The following GAS7 variants were observed in gnomAD, a reference collection of about 807,000 sequenced individuals.
The protein encoded by GAS7 is growth arrest-specific protein 7.
In GAS7, 28 loss-of-function variants were observed where a neutral mutation model predicts 71.1. The ratio of observed to expected loss-of-function variants is 0.39; its 90% confidence interval spans 0.29 to 0.54. The LOEUF (loss-of-function observed/expected upper bound fraction) is 0.54. Among genes scored for constraint, GAS7 ranks in the 20% least tolerant of loss-of-function variants. The probability of loss-of-function intolerance (pLI) is 0.62; values close to 1 mark genes in which losing one functional copy is unlikely to be tolerated. For missense variants in GAS7, 436 were observed against 627.8 expected (o/e 0.69, Z 3.27); for synonymous variants, 258 against 245.8 (o/e 1.05, Z -0.46).
At chr17:9,971,790 T>C (rs1030238478) in intron 3 of GAS7, among the ~76,000 whole-genome samples, 1 of 152,126 alleles carries the variant, frequency 6.6e-6, no homozygotes, top group African/African-American at 2.4e-5. Flanking sequence ...TAGAGAAAAC[T>C]CTATAGCGTG....
intron 1 of GAS7, among the ~76,000 whole-genome samples, chr17:10,033,903 C>G (rs762835687): frequency 9.2e-5 from 14 of 152,216 alleles, no homozygotes; most frequent in Non-Finnish European, 2.1e-4. Context: ...CTTCTGACTC[C>G]GAGAGATGGT....
intron 2 of GAS7, among the ~76,000 whole-genome samples, chr17:9,996,120 C>G (rs2071031035): frequency 6.6e-6 from 1 of 152,200 alleles, no homozygotes; most frequent in Non-Finnish European, 1.5e-5. Context: ...AAGACACATG[C>G]ACACGTACGT....
At chr17:9,971,168 G>A (rs1379409518) in intron 3 of GAS7, among the ~76,000 whole-genome samples, 1 of 152,082 alleles carries the variant, frequency 6.6e-6, no homozygotes, top group East Asian at 1.9e-4. Flanking sequence ...AGGTGGAGGT[G>A]GGAGGATCGC....
intron 5 of GAS7, among the ~76,000 whole-genome samples, chr17:9,951,181 T>A (rs1222000980): frequency 6.6e-6 from 1 of 152,256 alleles, no homozygotes; most frequent in Non-Finnish European, 1.5e-5. Flanking sequence ...TTCCAATTAT[T>A]CTTATTTCAA....
At chr17:9,943,263 T>C (rs2068671580) in intron 6 of GAS7, 27 bp from the exon 7 acceptor site, 4 of 1,313,224 alleles carry the variant, frequency 3.0e-6, no homozygotes, top group Non-Finnish European at 4.4e-6. Context: ...AGCACAAGAG[T>C]TTAGGGCACG....
rs1308172150 is a variant in GAS7 at position 10,026,233 on chromosome 17, G to A, written c.184-6336C>T. On this transcript the variant is annotated intron_variant, in intron 1 of 13. Coordinates refer to ENST00000432992, the MANE Select transcript of GAS7 (RefSeq NM_201433.2). The surrounding 1 kb of genome is among the most constrained non-coding windows in gnomAD (Gnocchi z 4.5). ...ACTCGCTTTAGCAGCCAGATCAGAC[G>A]GTTTTAAGGTCTCCCACTCTGCATC... 16 of 984,898 alleles carry A rather than the reference G, an allele frequency of 1.6e-5. No individual in the cohort carries two copies. The highest frequency in any genetic ancestry group is 1.7e-5 in the African/African-American group (1 of 57,168). 61.0% of individuals were successfully genotyped at this position (984,898 alleles called of 1,614,324 possible). A position where few individuals can be genotyped will look rare whatever the true frequency, so the allele number is the denominator to read the frequency against.
At chr17:9,973,340 G>A (rs532537720) in intron 3 of GAS7, among the ~76,000 whole-genome samples, 2 of 150,064 alleles carry the variant, frequency 1.3e-5, no homozygotes, top group East Asian at 2.0e-4. Context: ...TGCGACCTCC[G>A]CCTCCCGGGT....
At chr17:9,925,676 C>T in intron 10 of GAS7, 77 bp from the exon 11 acceptor site, 1 of 1,522,486 alleles carries the variant, frequency 6.6e-7, no homozygotes, top group Non-Finnish European at 9.1e-7. Context: ...AGCCCAGCTT[C>T]CCTTTGGAGT....
chr17:9,946,830 C>A, intron 6 of GAS7, 64 bp downstream of exon 6: 1 of 1,001,164 alleles, frequency 1.0e-6, no homozygotes, highest in Non-Finnish European at 1.6e-6. Flanking sequence ...CCCTCCTACC[C>A]ATCCTGGGTG....
intron 1 of GAS7, among the ~76,000 whole-genome samples, chr17:10,167,575 A>C (rs1414301064): frequency 1.3e-5 from 2 of 152,230 alleles, no homozygotes; most frequent in Non-Finnish European, 2.9e-5. Context: ...CATTGGCCCT[A>C]TAACCAAGCA....
chr17:10,025,706 T>C (rs1194688721), intron 1 of GAS7, among the ~76,000 whole-genome samples: 1 of 151,996 alleles, frequency 6.6e-6, no homozygotes, highest in African/African-American at 2.4e-5. Context: ...TCACCTGGGA[T>C]GTGAGTTCAA....
At chr17:10,128,025 C>A (rs776045381) in intron 1 of GAS7, among the ~76,000 whole-genome samples, 1 of 152,168 alleles carries the variant, frequency 6.6e-6, no homozygotes, top group Non-Finnish European at 1.5e-5. Flanking sequence ...GAGGCAGCAC[C>A]GGCGAGGGAT....
chr17:10,023,513 A>T (rs917656063), intron 1 of GAS7, among the ~76,000 whole-genome samples: 1 of 152,246 alleles, frequency 6.6e-6, no homozygotes, highest in Non-Finnish European at 1.5e-5. Context: ...ATTAAAAAAA[A>T]AAATGGAGCC....
chr17:10,013,931 A>C (rs1364187891), intron 2 of GAS7, among the ~76,000 whole-genome samples: 1 of 152,138 alleles, frequency 6.6e-6, no homozygotes, highest in Admixed American at 6.5e-5. Flanking sequence ...TCTGCTGATG[A>C]AACACAAATC....
At chr17:10,110,100 A>G (rs1301539007) in intron 1 of GAS7, among the ~76,000 whole-genome samples, 1 of 151,964 alleles carries the variant, frequency 6.6e-6, no homozygotes, top group Non-Finnish European at 1.5e-5. Context: ...CTGTACTCAC[A>G]CGTTTACTGC....
intron 9 of GAS7, among the ~76,000 whole-genome samples, chr17:9,932,596 A>G (rs983177568): frequency 2.0e-5 from 3 of 152,214 alleles, no homozygotes; most frequent in Non-Finnish European, 4.4e-5. Flanking sequence ...TCATCTAAAA[A>G]TTAGCTGAGA....
chr17:10,155,992 A>G (rs772630524), intron 1 of GAS7, among the ~76,000 whole-genome samples: 2 of 152,144 alleles, frequency 1.3e-5, no homozygotes, highest in Non-Finnish European at 2.9e-5. Flanking sequence ...TTCGAAGGGA[A>G]TACATTCTCT....
intron 1 of GAS7, among the ~76,000 whole-genome samples, chr17:10,082,820 G>A (rs1373283064): frequency 6.6e-6 from 1 of 152,182 alleles, no homozygotes; most frequent in African/African-American, 2.4e-5. Context: ...AAAAAGGGGT[G>A]AACCATTGGT....
chr17:10,161,228 C>A (rs894125032), intron 1 of GAS7, among the ~76,000 whole-genome samples: 2 of 152,168 alleles, frequency 1.3e-5, no homozygotes, highest in Non-Finnish European at 2.9e-5. Flanking sequence ...GAAAGCATTT[C>A]TTTGCCAAAC....
Sources: gnomAD v4.1 joint callset for allele counts (sites outside exome capture counted in the v4.1 genomes callset) on GRCh38, gnomAD v4.1.1 for gene constraint, Gnocchi (gnomAD v3.1) non-coding constraint, MANE v1.5 for transcripts, NCBI Gene and HGNC (gene_info 2026-07-23, HGNC 2026-07-21) for gene names.